The following BUD31 variants were observed in gnomAD, a reference collection of about 807,000 sequenced individuals.
BUD31 encodes BUD31 spliceosome associated protein, also known as protein BUD31 homolog.
A neutral mutation model predicts 17.9 loss-of-function variants in BUD31; 9 were observed. The ratio of observed to expected loss-of-function variants is 0.50; its 90% confidence interval spans 0.30 to 0.88. BUD31 has a LOEUF of 0.88. Among genes scored for constraint, BUD31 ranks in the 40% least tolerant of loss-of-function variants. BUD31 has a pLI of 0.06. For missense variants in BUD31, 148 were observed against 184.5 expected (o/e 0.80, Z 1.15); for synonymous variants, 70 against 64.7 (o/e 1.08, Z -0.39).
intron 3 of BUD31, among the ~76,000 whole-genome samples, chr7:99,413,350 C>A (rs1271329986): frequency 6.6e-6 from 1 of 152,140 alleles, no homozygotes; most frequent in African/African-American, 2.4e-5. Context: ...CCACCTGATC[C>A]TGCGTGTGTT....
intron 3 of BUD31, among the ~76,000 whole-genome samples, chr7:99,414,563 G>C (rs1226455732): frequency 6.6e-6 from 1 of 152,118 alleles, no homozygotes; most frequent in South Asian, 2.1e-4. Flanking sequence ...AGGTTCATCT[G>C]TGTTGTAGAA....
intron 2 of BUD31, among the ~76,000 whole-genome samples, chr7:99,410,737 C>G (rs948881669): frequency 6.6e-6 from 1 of 152,156 alleles, no homozygotes; most frequent in African/African-American, 2.4e-5. Flanking sequence ...TAGCTAATGA[C>G]AACAGCAAAT....
At chr7:99,411,729 G>A in intron 3 of BUD31, 1 of 455,724 alleles carries the variant, frequency 2.2e-6, no homozygotes, top group African/African-American at 2.0e-5. Context: ...TTTTGAGTTG[G>A]AGTCTTGCTC....
chr7:99,414,314 A>G (rs1030197536), intron 3 of BUD31, among the ~76,000 whole-genome samples: 1 of 151,832 alleles, frequency 6.6e-6, no homozygotes, highest in Non-Finnish European at 1.5e-5. Flanking sequence ...TAATTTTTTA[A>G]TTTTTAGTAG....
At chr7:99,415,501 C>T (rs193168954) in intron 3 of BUD31, among the ~76,000 whole-genome samples, 2 of 152,120 alleles carry the variant, frequency 1.3e-5, no homozygotes, top group African/African-American at 4.8e-5. Context: ...AGTTAGGCCT[C>T]TGGATAACTG....
rs1222321807 is a variant in BUD31 at position 99,419,547 on chromosome 7, G to C, written c.*106G>C. On this transcript the variant is annotated 3_prime_UTR_variant, in exon 6 of 6. Transcript: ENST00000222969. ...GTGCCCCAGGCCCGAGTTGGAGCAC[G>C]GTCTCTATGGGGAAGGCTTCGCTGT... 1 of 1,284,908 alleles carries C rather than the reference G, an allele frequency of 7.8e-7. No individual in the cohort carries two copies. Among genetic ancestry groups the C allele is most frequent in the South Asian group, 1.2e-5 (1 of 83,548 alleles). The allele number at this position is 1,284,908 out of a possible 1,614,324, so 79.6% of individuals were successfully genotyped here.
At chr7:99,416,381 G>T in intron 4 of BUD31, 121 bp downstream of exon 4, 1 of 1,339,422 alleles carries the variant, frequency 7.5e-7, no homozygotes, top group Admixed American at 2.2e-5. Flanking sequence ...CGAAAATTAG[G>T]GGGAGCCAAC....
chr7:99,411,402 T>C (rs1015174395), intron 3 of BUD31, among the ~76,000 whole-genome samples: 2 of 152,230 alleles, frequency 1.3e-5, no homozygotes, highest in Admixed American at 1.3e-4. Flanking sequence ...TTTTTGTTTT[T>C]GTTTTTGCCA....
rs1363525432 is a variant in BUD31, at chr7:99,419,367, TCTCA to T, written c.385-21_385-18del. 17 of 1,612,500 alleles carry T rather than the reference TCTCA, an allele frequency of 1.1e-5. No individual in the cohort carries two copies. In the African/African-American group the frequency reaches 2.0e-4, roughly 19 times the overall value. Reference sequence around the variant, plus strand: ...GGGCGAGCGTGGCGCAGTGGCATCGTCTCACTGTCCTCCTCCGTTGCAGGGCCGC... The same window carrying T: ...GGGCGAGCGTGGCGCAGTGGCATCGTCTGTCCTCCTCCGTTGCAGGGCCGC... On this transcript the variant is annotated intron_variant, in intron 5 of 5. Transcript: ENST00000222969.
chr7:99,411,485 T>C (rs1186156642), intron 3 of BUD31, among the ~76,000 whole-genome samples: 1 of 152,240 alleles, frequency 6.6e-6, no homozygotes, highest in Admixed American at 6.5e-5. Context: ...TGGTTAGATA[T>C]ATATTTAAAA....
At chr7:99,414,448 T>C (rs972006072) in intron 3 of BUD31, among the ~76,000 whole-genome samples, 1 of 152,186 alleles carries the variant, frequency 6.6e-6, no homozygotes, top group Non-Finnish European at 1.5e-5. Context: ...TATTGAGATA[T>C]TAATCATATA....
At chr7:99,419,296 G>A in intron 5 of BUD31, 95 bp from the exon 6 acceptor site, 2 of 1,457,036 alleles carry the variant, frequency 1.4e-6, no homozygotes, top group East Asian at 2.3e-5. Context: ...ATATGGCATG[G>A]TGGCAGGTCC....
At chr7:99,418,142 T>A (rs1795611243) in intron 5 of BUD31, 3 of 268,858 alleles carry the variant, frequency 1.1e-5, no homozygotes, top group Admixed American at 1.1e-4. Context: ...TAATTTTGTA[T>A]TTTTAGTAGA....
intron 3 of BUD31, among the ~76,000 whole-genome samples, chr7:99,414,179 G>C (rs982296981): frequency 1.4e-5 from 2 of 145,910 alleles, no homozygotes; most frequent in Non-Finnish European, 3.0e-5. Flanking sequence ...TCACACTGTT[G>C]CCCACGCTGG....
chr7:99,417,567 G>A lies in BUD31; in HGVS notation c.356G>A (p.Cys119Tyr). ...RDTNFGTNCICRVPKSKLEVG... is the reference protein window; with the variant it reads ...RDTNFGTNCIYRVPKSKLEVG... The stretch of plus-strand genomic sequence containing the variant: ...ACCAACTTCGGGACGAACTGCATCT[G>A]CCGCGTGCCCAAAAGCAAGCTGGAA... Residue 119 changes from cysteine (C) to tyrosine (Y), a missense_variant, in exon 5 of 6, where the codon TGC (cysteine) becomes TAC (tyrosine). By Grantham distance (194) the Cys-to-Tyr change is radical. Transcript: ENST00000222969. The A allele has an allele frequency of 6.2e-7, 1 of 1,612,868 alleles. No individual in the cohort carries two copies. The highest frequency in any genetic ancestry group is 8.5e-7 in the Non-Finnish European group (1 of 1,179,662).
chr7:99,412,870 C>T (rs1370973894), intron 3 of BUD31, among the ~76,000 whole-genome samples: 1 of 151,940 alleles, frequency 6.6e-6, no homozygotes, highest in Non-Finnish European at 1.5e-5. Flanking sequence ...ATCCACCCGC[C>T]TCAGGCTCCC....
chr7:99,415,170 G>T, intron 3 of BUD31: 1 of 451,604 alleles, frequency 2.2e-6, no homozygotes, highest in South Asian at 1.6e-5. Context: ...CCAAGACGCG[G>T]AGACCGGTAG....
chr7:99,419,092 T>C (rs1288163407), intron 5 of BUD31: 1 of 449,774 alleles, frequency 2.2e-6, no homozygotes, highest in Non-Finnish European at 4.1e-6. Context: ...CATGCTCACT[T>C]AGCAGAATAA....
chr7:99,415,922 C>A (rs752890642), intron 3 of BUD31, among the ~76,000 whole-genome samples: 1 of 151,926 alleles, frequency 6.6e-6, no homozygotes, highest in African/African-American at 2.4e-5. Context: ...TATCTAAGAT[C>A]TATATCTAGT....
Sources: gnomAD v4.1 joint callset for allele counts (sites outside exome capture counted in the v4.1 genomes callset) on GRCh38, gnomAD v4.1.1 for gene constraint, MANE v1.5 for transcripts, NCBI Gene and HGNC (gene_info 2026-07-23, HGNC 2026-07-21) for gene names.